FGF7: variants seen among roughly 807,000 people sequenced by gnomAD.
FGF7 encodes fibroblast growth factor 7, also known as FGF-7.
A neutral mutation model predicts 20.5 loss-of-function variants in FGF7; 6 were observed. The ratio of observed to expected loss-of-function variants is 0.29; its 90% confidence interval spans 0.16 to 0.58. The LOEUF is 0.58. Among genes scored for constraint, FGF7 ranks in the 20% least tolerant of loss-of-function variants. The probability of loss-of-function intolerance (pLI) is 0.90; values close to 1 mark genes in which losing one functional copy is unlikely to be tolerated. For missense variants in FGF7, 144 were observed against 228.8 expected (o/e 0.63, Z 2.39); for synonymous variants, 64 against 74.7 (o/e 0.86, Z 0.74).
chr15:49,438,401 A>G (rs556879273), intron 2 of FGF7, among the ~76,000 whole-genome samples: 3 of 151,874 alleles, frequency 2.0e-5, no homozygotes, highest in Admixed American at 2.0e-4. Context: ...ATGAATATCC[A>G]TTGCTTTGTT....
intron 2 of FGF7, among the ~76,000 whole-genome samples, chr15:49,428,633 C>T (rs1052667012): frequency 6.6e-6 from 1 of 151,882 alleles, no homozygotes; most frequent in African/African-American, 2.4e-5. Context: ...ACTCAGTGAC[C>T]GCCTTGAGAG....
chr15:49,441,397 A>G (rs1328707142), intron 2 of FGF7, among the ~76,000 whole-genome samples: 1 of 151,780 alleles, frequency 6.6e-6, no homozygotes, highest in East Asian at 1.9e-4. Context: ...AATAAAACTA[A>G]TATCAACACA....
rs1439123801 is a variant in FGF7 at position 49,488,018 on chromosome 15, C to T, written c.*3514C>T. On this transcript the variant is annotated 3_prime_UTR_variant, in exon 4 of 4. Coordinates refer to ENST00000267843, the MANE Select transcript of FGF7 (RefSeq NM_002009.4). ...AGAAAACCAGAACTCAAATTCACCA[C>T]GCATAGGAGTGATAACAAAAATATT... The T allele has an allele frequency of 2.6e-5, 4 of 151,834 alleles. No homozygotes were observed. Among genetic ancestry groups the T allele is most frequent in the South Asian group, 2.1e-4 (1 of 4,820 alleles). The allele number at this position is 151,834 out of a possible 1,614,324, so 9.4% of individuals were successfully genotyped here.
At chr15:49,472,409 G>C (rs1206446821) in intron 2 of FGF7, among the ~76,000 whole-genome samples, 1 of 152,080 alleles carries the variant, frequency 6.6e-6, no homozygotes, top group African/African-American at 2.4e-5. Flanking sequence ...GCTTCTGCTG[G>C]GTACCTTTTA....
In FGF7 at chr15:49,488,364, CA is replaced by C. The variant is rs1203820312; in HGVS notation, c.*3861del. On this transcript the variant is annotated 3_prime_UTR_variant, in exon 4 of 4. Transcript: ENST00000267843. The stretch of plus-strand genomic sequence containing the variant: ...GTTCCTTCAGGGACACATATACTCC[CA>C]CCTATCCTTTAATTTTGAATGGTTT... 1 of 151,950 alleles carries C rather than the reference CA, an allele frequency of 6.6e-6. No homozygotes were observed. The highest frequency in any genetic ancestry group is 1.5e-5 in the Non-Finnish European group (1 of 67,904). The allele number at this position is 151,950 out of a possible 1,614,324, so 9.4% of individuals were successfully genotyped here. A position where few individuals can be genotyped will look rare whatever the true frequency, so the allele number is the denominator to read the frequency against.
chr15:49,457,864 C>T (rs1051863149), intron 2 of FGF7, among the ~76,000 whole-genome samples: 23 of 151,078 alleles, frequency 1.5e-4, no homozygotes, highest in African/African-American at 5.3e-4. Flanking sequence ...ATATAAAAAA[C>T]AATTAAATGA....
chr15:49,469,948 C>T (rs533368371), intron 2 of FGF7, among the ~76,000 whole-genome samples: 1 of 152,226 alleles, frequency 6.6e-6, no homozygotes, highest in Admixed American at 6.5e-5. Context: ...CTCACCTTCA[C>T]AGTACAATTA....
chr15:49,452,625 T>C (rs1267631439), intron 2 of FGF7, among the ~76,000 whole-genome samples: 1 of 152,174 alleles, frequency 6.6e-6, no homozygotes, highest in Admixed American at 6.6e-5. Flanking sequence ...TTAGGAAATA[T>C]AATGAAGATA....
At chr15:49,458,210 A>G (rs10048065) in intron 2 of FGF7, among the ~76,000 whole-genome samples, 104,202 of 151,706 alleles carry the variant, frequency 0.69, 36,159 homozygotes, top group East Asian at 0.92. Context: ...GTGGTCCTCA[A>G]GTACCAATGA....
chr15:49,460,166 A>G (rs1041033881), intron 2 of FGF7, among the ~76,000 whole-genome samples: 10 of 152,118 alleles, frequency 6.6e-5, no homozygotes, highest in Admixed American at 5.9e-4. Context: ...AGAGGAAGAA[A>G]AGTGATACTA....
intron 2 of FGF7, among the ~76,000 whole-genome samples, chr15:49,440,925 T>C (rs2051578489): frequency 6.6e-6 from 1 of 151,816 alleles, no homozygotes; most frequent in South Asian, 2.1e-4. Flanking sequence ...TGGTTATAAG[T>C]TGGTTTAGAT....
At chr15:49,435,556 T>C (rs989096543) in intron 2 of FGF7, among the ~76,000 whole-genome samples, 4 of 151,572 alleles carry the variant, frequency 2.6e-5, no homozygotes, top group Non-Finnish European at 5.9e-5. Flanking sequence ...AATAATGTGT[T>C]ATAAAATAAT....
At chr15:49,437,313 A>G (rs2051195736) in intron 2 of FGF7, among the ~76,000 whole-genome samples, 1 of 151,692 alleles carries the variant, frequency 6.6e-6, no homozygotes, top group Non-Finnish European at 1.5e-5. Flanking sequence ...TAAAAGAAAC[A>G]GCAGAGAGTT....
At chr15:49,462,931 TG>T (rs752559354) in intron 2 of FGF7, among the ~76,000 whole-genome samples, 93 of 152,356 alleles carry the variant, frequency 6.1e-4, no homozygotes, top group Non-Finnish European at 1.2e-3. Context: ...TTTGGCAGAA[TG>T]GAACTGTGTC....
At position 49,486,556 on chromosome 15, in the gene FGF7, C is replaced by A. The variant is rs773108959; in HGVS notation, c.*2052C>A. 1.3e-5 allele frequency: 2 copies of A among 151,950 alleles called. No individual in the cohort carries two copies. Among genetic ancestry groups the A allele is most frequent in the Non-Finnish European group, 2.9e-5 (2 of 67,912 alleles). The allele number at this position is 151,950 out of a possible 1,614,324, so 9.4% of individuals were successfully genotyped here. A position where few individuals can be genotyped will look rare whatever the true frequency, so the allele number is the denominator to read the frequency against. On this transcript the variant is annotated 3_prime_UTR_variant, in exon 4 of 4. Coordinates refer to ENST00000267843, the MANE Select transcript of FGF7 (RefSeq NM_002009.4). ...AAAGAAAATACACACTAAAACTAAT[C>A]TTCATTTTAAAAGGGTAAAACATGA...
intron 3 of FGF7, among the ~76,000 whole-genome samples, chr15:49,484,101 GGT>G: frequency 6.6e-6 from 1 of 151,872 alleles, no homozygotes; most frequent in East Asian, 1.9e-4. Flanking sequence ...TGTATTATGT[GGT>G]GTTTTTATTT....
chr15:49,444,984 T>A (rs1318894891), intron 2 of FGF7, among the ~76,000 whole-genome samples: 1 of 151,588 alleles, frequency 6.6e-6, no homozygotes, highest in African/African-American at 2.4e-5. Flanking sequence ...ATATTCATTC[T>A]GATTCATATT....
At chr15:49,444,559 T>A (rs565032762) in intron 2 of FGF7, among the ~76,000 whole-genome samples, 3 of 151,782 alleles carry the variant, frequency 2.0e-5, no homozygotes, top group African/African-American at 7.2e-5. Flanking sequence ...AAACGTTATG[T>A]GTGTGAGAGA....
At chr15:49,455,307 T>G (rs971433762) in intron 2 of FGF7, among the ~76,000 whole-genome samples, 6 of 152,186 alleles carry the variant, frequency 3.9e-5, no homozygotes, top group Non-Finnish European at 8.8e-5. Context: ...TGTTATGAAT[T>G]CATCTAGCAT....
Sources: allele counts gnomAD v4.1 joint callset (sites outside exome capture counted in the v4.1 genomes callset), GRCh38; gene constraint gnomAD v4.1.1; transcripts MANE v1.5; gene names NCBI Gene and HGNC (gene_info 2026-07-23, HGNC 2026-07-21).